The following SLC16A2 variants were observed in gnomAD, a reference collection of about 807,000 sequenced individuals.
SLC16A2 encodes solute carrier family 16 member 2.
A neutral mutation model predicts 27.2 loss-of-function variants in SLC16A2; 3 were observed. That is an observed-to-expected ratio of 0.11 (90% confidence interval 0.05 to 0.28). The LOEUF is 0.28. Among genes scored for constraint, SLC16A2 ranks in the 10% least tolerant of loss-of-function variants. SLC16A2 has a pLI of 1.00. For synonymous variants in SLC16A2, 202 were observed against 187.8 expected (o/e 1.08, Z -0.62); for missense variants, 295 against 458.5 (o/e 0.64, Z 3.26).
intron 1 of SLC16A2, among the ~76,000 whole-genome samples, chrX:74,509,137 AT>A (rs1309043148): frequency 5.5e-5 from 6 of 109,205 alleles, no homozygotes; most frequent in African/African-American, 1.7e-4. Context: ...TAATTTTTGT[AT>A]TTTTTGTAGA....
intron 1 of SLC16A2, among the ~76,000 whole-genome samples, chrX:74,501,129 C>T (rs1930024604): frequency 9.1e-6 from 1 of 109,865 alleles, no homozygotes; most frequent in African/African-American, 3.3e-5. Context: ...GACAATTTCT[C>T]TCATTTTACA....
chrX:74,427,406 C>T (rs560036122), intron 1 of SLC16A2, among the ~76,000 whole-genome samples: 8 of 111,569 alleles, frequency 7.2e-5, no homozygotes, highest in South Asian at 7.5e-4. Context: ...TCAACTGCAG[C>T]GTCAGGGCTT....
intron 1 of SLC16A2, among the ~76,000 whole-genome samples, chrX:74,511,396 T>G (rs1569297748): frequency 9.0e-6 from 1 of 111,587 alleles, no homozygotes; most frequent in Non-Finnish European, 1.9e-5. Flanking sequence ...TTAGCTATGA[T>G]GGTCTCTATC....
intron 1 of SLC16A2, among the ~76,000 whole-genome samples, chrX:74,504,300 C>T (rs1438191772): frequency 1.8e-5 from 2 of 111,308 alleles, no homozygotes; most frequent in Non-Finnish European, 3.8e-5. Context: ...GTGGCTATTG[C>T]CTTCCCTTCC....
At chrX:74,472,867 A>G (rs189520007) in intron 1 of SLC16A2, 89 of 276,145 alleles carry the variant, frequency 3.2e-4, no homozygotes, top group African/African-American at 2.5e-3. Context: ...TTTTTCCCAT[A>G]CATATGAGTA....
intron 1 of SLC16A2, among the ~76,000 whole-genome samples, chrX:74,427,852 A>C (rs1207611710): frequency 9.2e-6 from 1 of 108,757 alleles, no homozygotes; most frequent in Non-Finnish European, 1.9e-5. Context: ...CCCATACCCT[A>C]CACCCTAAGC....
chrX:74,477,750 T>C (rs1055181898), intron 1 of SLC16A2, among the ~76,000 whole-genome samples: 7 of 112,364 alleles, frequency 6.2e-5, no homozygotes, highest in Admixed American at 3.8e-4. Flanking sequence ...CCAGTAGTCA[T>C]TCAGGAGCAG....
intron 1 of SLC16A2, among the ~76,000 whole-genome samples, chrX:74,445,481 G>T (rs1415862353): frequency 9.2e-6 from 1 of 108,295 alleles, no homozygotes; most frequent in African/African-American, 3.4e-5. Context: ...GGGAGATAGA[G>T]AACGATGTCT....
chrX:74,491,263 T>C (rs749176822), intron 1 of SLC16A2, among the ~76,000 whole-genome samples: 3 of 112,226 alleles, frequency 2.7e-5, no homozygotes, highest in African/African-American at 6.5e-5. Flanking sequence ...GCATGAAACA[T>C]CAATCAAATA....
intron 2 of SLC16A2, among the ~76,000 whole-genome samples, chrX:74,522,225 G>A (rs1232495043): frequency 1.8e-5 from 2 of 111,808 alleles, no homozygotes; most frequent in African/African-American, 6.5e-5. Flanking sequence ...TGGCTCTCTA[G>A]GCCTAAGGTT....
At chrX:74,474,359 A>T (rs1488160377) in intron 1 of SLC16A2, among the ~76,000 whole-genome samples, 24 of 111,479 alleles carry the variant, frequency 2.2e-4, no homozygotes, top group Non-Finnish European at 2.1e-4. Context: ...ATTTTATTTG[A>T]AGATTGTTTA....
At chrX:74,479,227 A>G (rs1334324052) in intron 1 of SLC16A2, among the ~76,000 whole-genome samples, 1 of 111,285 alleles carries the variant, frequency 9.0e-6, no homozygotes, top group Non-Finnish European at 1.9e-5. Context: ...GCTTCATTTC[A>G]TTCATTTGAT....
Position 74,476,689 on chromosome X carries a change from G to C in SLC16A2, c.431-44301G>C, listed in dbSNP as rs780567538. ...TTTCTTGAGAGTTTTTAGCATGAAG[G>C]GCTGTTGAATTTTGTCAAAGGCCTT... On this transcript the variant is annotated intron_variant, in intron 1 of 5. Coordinates refer to ENST00000587091, the MANE Select transcript of SLC16A2 (RefSeq NM_006517.5). 6.3e-5 allele frequency among the ~76,000 whole-genome samples: 7 copies of C among 111,975 alleles called. No homozygotes were observed. In the South Asian group the frequency reaches 1.5e-3, roughly 24 times the overall value.
chrX:74,507,710 T>C (rs1045179872), intron 1 of SLC16A2, among the ~76,000 whole-genome samples: 1 of 112,095 alleles, frequency 8.9e-6, no homozygotes, highest in African/African-American at 3.2e-5. Flanking sequence ...AGAATACTAC[T>C]CAAGCATAAA....
intron 1 of SLC16A2, chrX:74,473,651 C>G: frequency 9.4e-7 from 1 of 1,066,140 alleles, no homozygotes; most frequent in Non-Finnish European, 1.3e-6. Context: ...TAAGTGGGCA[C>G]CTGGTCTTTG....
At chrX:74,530,247 C>T (rs746936893) in intron 5 of SLC16A2, among the ~76,000 whole-genome samples, 1 of 108,929 alleles carries the variant, frequency 9.2e-6, no homozygotes, top group African/African-American at 3.4e-5. Context: ...AGTACAGGTG[C>T]GTGCCACCAC....
At chrX:74,427,717 T>G (rs1048406165) in intron 1 of SLC16A2, among the ~76,000 whole-genome samples, 1 of 111,032 alleles carries the variant, frequency 9.0e-6, no homozygotes, top group Non-Finnish European at 1.9e-5. Context: ...AGGTGTTGTC[T>G]CACTTGAGAT....
chrX:74,439,587 C>A (rs1034541271), intron 1 of SLC16A2, among the ~76,000 whole-genome samples: 2 of 105,554 alleles, frequency 1.9e-5, no homozygotes, highest in Non-Finnish European at 3.9e-5. Context: ...AGGTGTCACC[C>A]ACCACACCCA....
intron 1 of SLC16A2, among the ~76,000 whole-genome samples, chrX:74,493,038 T>C (rs1326712807): frequency 8.9e-6 from 1 of 111,967 alleles, no homozygotes; most frequent in Non-Finnish European, 1.9e-5. Context: ...AAAGCTGATC[T>C]CTGGGGCAGC....
Sources: allele counts gnomAD v4.1 joint callset (sites outside exome capture counted in the v4.1 genomes callset), GRCh38; gene constraint gnomAD v4.1.1; transcripts MANE v1.5; gene names NCBI Gene and HGNC (gene_info 2026-07-23, HGNC 2026-07-21).